GAK: variants seen among roughly 807,000 people sequenced by gnomAD.
The protein encoded by GAK is cyclin-G-associated kinase.
A neutral mutation model predicts 143.9 loss-of-function variants in GAK; 79 were observed. The ratio of observed to expected loss-of-function variants is 0.55; its 90% CI spans 0.46 to 0.66. The LOEUF (loss-of-function observed/expected upper bound fraction) is 0.66, where lower values mean the gene tolerates loss of function less well. Among genes scored for constraint, GAK ranks in the 30% least tolerant of loss-of-function variants. The pLI, the probability that GAK is intolerant of heterozygous loss-of-function variation, is 0.00. For synonymous variants in GAK, 881 were observed against 765.5 expected (o/e 1.15, Z -2.49); for missense variants, 1,693 against 1,779.7 (o/e 0.95, Z 0.88).
chr4:851,965 G>T lies in GAK; in HGVS notation c.3293C>A (p.Ala1098Asp). 1 of 1,613,564 alleles carries T rather than the reference G, an allele frequency of 6.2e-7. No homozygotes were observed. The highest frequency in any genetic ancestry group is 8.5e-7 in the Non-Finnish European group (1 of 1,179,736). Reference sequence around the variant, plus strand: ...AATGAAGCCCCCAGGAGGGAATCCAGCTGGTGAGCCTGTGGAGATGGAGAT... The same window carrying T: ...AATGAAGCCCCCAGGAGGGAATCCATCTGGTGAGCCTGTGGAGATGGAGAT... ...DLSSGLQGSP[A>D]GFPPGGFIPK... Residue 1098 changes from alanine to aspartate, a missense_variant, in exon 25 of 28, where the codon GCT becomes GAT. Around this residue, in one of 2 missense-constraint regions of GAK, gnomAD observed 822 missense variants for 788.7 expected, o/e 1.04. Coordinates refer to ENST00000314167, the MANE Select transcript of GAK (RefSeq NM_005255.4).
intron 23 of GAK, among the ~76,000 whole-genome samples, chr4:861,753 C>T (rs1031003689): frequency 1.3e-5 from 2 of 152,166 alleles, no homozygotes; most frequent in Non-Finnish European, 2.9e-5. Context: ...AGAGGAAGTT[C>T]GGGTGATCTG....
Position 849,427 on chromosome 4 carries a change from C to T in GAK, c.*246G>A, listed in dbSNP as rs570205662. The T allele has an allele frequency of 2.7e-5, 15 of 553,506 alleles. No individual in the cohort carries two copies. Among genetic ancestry groups the T allele is most frequent in the African/African-American group, 1.3e-4 (7 of 53,194 alleles). The allele number at this position is 553,506 out of a possible 1,614,324, so 34.3% of individuals were successfully genotyped here. On this transcript the variant is annotated 3_prime_UTR_variant, in exon 28 of 28. Transcript: ENST00000314167. ...CCCGAAACACCAAATAAATCACAGA[C>T]GTGACAATTGCGGGAGGAGCATGAA...
At chr4:871,634 G>A (rs775581064) in intron 18 of GAK, among the ~76,000 whole-genome samples, 55 of 151,676 alleles carry the variant, frequency 3.6e-4, no homozygotes, top group South Asian at 2.1e-4. Context: ...TTGGGGTGTC[G>A]GCCGTGCGGG....
At chr4:856,702 ATTTG>A (rs1462784115) in intron 24 of GAK, among the ~76,000 whole-genome samples, 1 of 140,226 alleles carries the variant, frequency 7.1e-6, no homozygotes, top group Non-Finnish European at 1.6e-5. Flanking sequence ...AGCTGCCCAC[ATTTG>A]CTCACCACCA....
chr4:882,676 G>GC (rs755868123), intron 14 of GAK, 21 bp downstream of exon 14: 1 of 1,608,748 alleles, frequency 6.2e-7, no homozygotes, highest in East Asian at 2.2e-5. Context: ...GACGGCGCCA[G>GC]CCCACGGCCC....
At chr4:931,736 C>T (rs1725852853) in intron 1 of GAK, among the ~76,000 whole-genome samples, 1 of 152,044 alleles carries the variant, frequency 6.6e-6, no homozygotes, top group African/African-American at 2.4e-5. Context: ...TGAGGGGGTT[C>T]CCCAAGCCCC....
At position 849,665 on chromosome 4, in the gene GAK, C is replaced by T. The variant is rs930494699; in HGVS notation, c.*8G>A. The T allele has an allele frequency of 6.2e-7, 1 of 1,606,150 alleles. No homozygotes were observed. The highest frequency in any genetic ancestry group is 1.7e-5 in the Admixed American group (1 of 59,602). On this transcript the variant is annotated 3_prime_UTR_variant, in exon 28 of 28. Coordinates refer to ENST00000314167, the MANE Select transcript of GAK (RefSeq NM_005255.4). ...GGAGCTGTGTGCGCAGCCACCACCA[C>T]TGCGGCCTCAGAAGAGGGGCCGGGA...
In GAK at chr4:884,076, C is replaced by T. The variant is rs777675484; in HGVS notation, c.1216G>A (p.Gly406Ser). 10 of 1,613,658 alleles carry T rather than the reference C, an allele frequency of 6.2e-6. No homozygotes were observed. In the Admixed American group the frequency reaches 1.3e-4, roughly 22 times the overall value. The change falls in exon 12 of 28, where the codon GGT becomes AGT. Residue 406 changes from glycine (G) to serine (S), a missense_variant. This residue lies in a region of GAK where 871 missense variants were observed against 991.0 expected (regional missense o/e 0.88). Transcript: ENST00000314167. ...VIQSVANYAKGDLDISYITSR... is the reference protein window; with the variant it reads ...VIQSVANYAKSDLDISYITSR... Reference sequence around the variant, plus strand: ...GTGATGTAAGATATGTCCAGGTCACCCTTTGCATAACTGGAATTAAAAAGA... The same window carrying T: ...GTGATGTAAGATATGTCCAGGTCACTCTTTGCATAACTGGAATTAAAAAGA...
At position 854,842 on chromosome 4, in the gene GAK, A is replaced by G. The variant is rs540480182; in HGVS notation, c.3284-2868T>C. ...GGGCGGATCACGAGGTCAGGAGATC[A>G]AGACCATCCTGACTAACACGGTGAA... On this transcript the variant is annotated intron_variant, in intron 24 of 27. Transcript: ENST00000314167. Among the ~76,000 whole-genome samples, 34 of 152,248 alleles carry G rather than the reference A, an allele frequency of 2.2e-4. No individual in the cohort carries two copies. The East Asian group carries it at 2.9e-3, about 13-fold the overall frequency.
At chr4:931,543 C>T (rs925939645) in intron 1 of GAK, among the ~76,000 whole-genome samples, 1 of 152,050 alleles carries the variant, frequency 6.6e-6, no homozygotes, top group African/African-American at 2.4e-5. Context: ...TCCCTGCCTG[C>T]TCAATAACCC....
At chr4:928,013 T>C (rs1421491582) in intron 1 of GAK, among the ~76,000 whole-genome samples, 40 of 152,194 alleles carry the variant, frequency 2.6e-4, no homozygotes, top group Admixed American at 2.6e-3. Flanking sequence ...ACAAGTCCTA[T>C]GTGGGAAGAG....
intron 2 of GAK, 86 bp from the exon 3 acceptor site, chr4:912,880 C>G: frequency 8.7e-7 from 1 of 1,148,174 alleles, no homozygotes; most frequent in Non-Finnish European, 1.3e-6. Context: ...CATAAGCACG[C>G]AACAGAGCAA....
chr4:914,516 C>CAT (rs1722702592), intron 1 of GAK, among the ~76,000 whole-genome samples: 1 of 97,672 alleles, frequency 1.0e-5, no homozygotes, highest in Non-Finnish European at 2.1e-5. Context: ...CACACACACA[C>CAT]AGCCCCAGCG....
At chr4:873,063 C>T (rs117879243) in intron 18 of GAK, among the ~76,000 whole-genome samples, 4 of 144,882 alleles carry the variant, frequency 2.8e-5, no homozygotes, top group East Asian at 4.2e-4. Context: ...TCGCCCACAG[C>T]GCAGCCTTGA....
At chr4:859,224 G>C in intron 24 of GAK, 2 of 1,187,622 alleles carry the variant, frequency 1.7e-6, no homozygotes, top group Non-Finnish European at 2.1e-6. Context: ...GGGTGGGCTC[G>C]GTTCTTGTGG....
intron 5 of GAK, among the ~76,000 whole-genome samples, chr4:903,568 G>T (rs1281219570): frequency 3.6e-5 from 5 of 137,298 alleles, no homozygotes; most frequent in Admixed American, 7.0e-5. Context: ...TGGGGGCCTG[G>T]GCCAACACCA....
intron 11 of GAK, among the ~76,000 whole-genome samples, chr4:884,724 C>T (rs569274319): frequency 4.6e-4 from 70 of 152,250 alleles, no homozygotes; most frequent in Non-Finnish European, 9.7e-4. Context: ...CTGGCAGCAG[C>T]AGCTGTGTAA....
Position 876,626 on chromosome 4 carries a change from C to T in GAK, c.1975-17G>A, listed in dbSNP as rs550131108. 2.5e-5 allele frequency: 40 copies of T among 1,608,222 alleles called. No individual in the cohort carries two copies. The South Asian group carries it at 3.6e-4, about 15-fold the overall frequency. On this transcript the variant is annotated splice_polypyrimidine_tract_variant and intron_variant, in intron 17 of 27. Coordinates refer to ENST00000314167, the MANE Select transcript of GAK (RefSeq NM_005255.4). ...GGATGCCATCTGCAAAGAGAGCAAA[C>T]ACGACACCCCACGTGGAGGGTGAAT...
chr4:914,844 G>C (rs28970510), intron 1 of GAK, among the ~76,000 whole-genome samples: 59,382 of 94,300 alleles, frequency 0.63, 17,710 homozygotes, highest in South Asian at 0.74. Context: ...CCCCAACACA[G>C]ATAGCTCCAG....
Sources: gnomAD v4.1 joint callset for allele counts (sites outside exome capture counted in the v4.1 genomes callset) on GRCh38, gnomAD v4.1.1 for gene constraint, gnomAD v4.1.1 regional missense constraint, MANE v1.5 for transcripts, NCBI Gene and HGNC (gene_info 2026-07-23, HGNC 2026-07-21) for gene names.